ABTB3: variants seen among roughly 807,000 people sequenced by gnomAD.
The protein encoded by ABTB3 is ankyrin repeat- and BTB/POZ domain-containing protein 3.
the ABTB3 span, among the ~76,000 whole-genome samples, chr12:107,346,452 T>C: frequency 3.9e-5 from 6 of 152,256 alleles, no homozygotes; most frequent in East Asian, 9.6e-4. Flanking sequence ...GCCCTTCAAA[T>C]TGATTCTGCT....
the ABTB3 span, among the ~76,000 whole-genome samples, chr12:107,562,078 C>T: frequency 1.3e-5 from 2 of 152,164 alleles, no homozygotes; most frequent in African/African-American, 4.8e-5. Context: ...GTACTGGGAC[C>T]TCTGCAGTAT....
At chr12:107,563,104 A>G in the ABTB3 span, among the ~76,000 whole-genome samples, 3 of 152,184 alleles carry the variant, frequency 2.0e-5, no homozygotes, top group Non-Finnish European at 2.9e-5. Context: ...GTTTTTATCC[A>G]AGCCTGGTTC....
the ABTB3 span, among the ~76,000 whole-genome samples, chr12:107,555,760 C>T: frequency 2.6e-5 from 4 of 152,196 alleles, no homozygotes; most frequent in Non-Finnish European, 4.4e-5. Context: ...CTGTATTGTA[C>T]AGCATAGGAC....
chr12:107,578,930 C>G, the ABTB3 span, among the ~76,000 whole-genome samples: 74 of 152,308 alleles, frequency 4.9e-4, no homozygotes, highest in South Asian at 0.014. Flanking sequence ...TATTAAGTGC[C>G]TACAGTGTGC....
the ABTB3 span, among the ~76,000 whole-genome samples, chr12:107,454,855 A>G: frequency 1.3e-5 from 2 of 152,234 alleles, no homozygotes; most frequent in Non-Finnish European, 2.9e-5. Context: ...TAATAATAAC[A>G]AATGGTGCTA....
chr12:107,441,304 T>A, the ABTB3 span, among the ~76,000 whole-genome samples: 1 of 152,156 alleles, frequency 6.6e-6, no homozygotes, highest in Non-Finnish European at 1.5e-5. Flanking sequence ...GATCATGTGC[T>A]TTGCAGGGAC....
At chr12:107,463,437 G>A in the ABTB3 span, among the ~76,000 whole-genome samples, 1 of 152,096 alleles carries the variant, frequency 6.6e-6, no homozygotes, top group Admixed American at 6.5e-5. Context: ...ACCTTGATTA[G>A]CACTTTATAC....
the ABTB3 span, among the ~76,000 whole-genome samples, chr12:107,647,116 G>A: frequency 6.6e-6 from 1 of 152,252 alleles, no homozygotes; most frequent in East Asian, 1.9e-4. Flanking sequence ...GATCACTTGA[G>A]CTCAAGAGTT....
At chr12:107,482,968 CTTTCTTTCTTTCT>C in the ABTB3 span, among the ~76,000 whole-genome samples, 34 of 70,008 alleles carry the variant, frequency 4.9e-4, no homozygotes, top group African/African-American at 2.1e-3. Flanking sequence ...TTCTTTCTTT[CTTTCTTTCTTTCT>C]TTCTTTCCTT....
chr12:107,529,249 T>C, the ABTB3 span, among the ~76,000 whole-genome samples: 32 of 151,084 alleles, frequency 2.1e-4, no homozygotes, highest in African/African-American at 7.3e-4. Context: ...ATGGAGATGA[T>C]GATGGTGGTC....
the ABTB3 span, among the ~76,000 whole-genome samples, chr12:107,619,401 G>A: frequency 1.3e-5 from 2 of 152,168 alleles, no homozygotes; most frequent in Non-Finnish European, 2.9e-5. Context: ...TTGCACAGAG[G>A]AGCAGCAGGA....
the ABTB3 span, among the ~76,000 whole-genome samples, chr12:107,597,886 T>C: frequency 6.6e-6 from 1 of 152,226 alleles, no homozygotes; most frequent in South Asian, 2.1e-4. Context: ...CTTCTGTTTT[T>C]TAAATAAAGT....
At chr12:107,399,778 T>C in the ABTB3 span, among the ~76,000 whole-genome samples, 1 of 152,144 alleles carries the variant, frequency 6.6e-6, no homozygotes, top group Non-Finnish European at 1.5e-5. Context: ...TATCAACCTG[T>C]CATCTAGGTT....
chr12:107,352,318 G>T, the ABTB3 span, among the ~76,000 whole-genome samples: 1 of 152,184 alleles, frequency 6.6e-6, no homozygotes, highest in Non-Finnish European at 1.5e-5. Flanking sequence ...GGGAGGGCAC[G>T]CATGGAGCAC....
chr12:107,644,009 C>T, the ABTB3 span, among the ~76,000 whole-genome samples: 1 of 152,026 alleles, frequency 6.6e-6, no homozygotes, highest in Non-Finnish European at 1.5e-5. Flanking sequence ...ACCAATTCAC[C>T]CACCTTGGTT....
At chr12:107,361,478 C>T in the ABTB3 span, among the ~76,000 whole-genome samples, 1 of 152,166 alleles carries the variant, frequency 6.6e-6, no homozygotes, top group Non-Finnish European at 1.5e-5. Context: ...GTTCAAATTA[C>T]AGTCTGGAGT....
chr12:107,326,323 T>C, the ABTB3 span, among the ~76,000 whole-genome samples: 1 of 152,186 alleles, frequency 6.6e-6, no homozygotes, highest in Non-Finnish European at 1.5e-5. Flanking sequence ...GGTAGGAGGG[T>C]CATTTAGGTA....
the ABTB3 span, among the ~76,000 whole-genome samples, chr12:107,528,321 T>A: frequency 1.3e-5 from 2 of 152,242 alleles, no homozygotes; most frequent in Non-Finnish European, 2.9e-5. Context: ...TAGGACAATA[T>A]GAGTTTTCCA....
chr12:107,359,770 C>A, the ABTB3 span, among the ~76,000 whole-genome samples: 1 of 152,116 alleles, frequency 6.6e-6, no homozygotes, highest in Non-Finnish European at 1.5e-5. Context: ...AGCCAAGCCT[C>A]AGGGACTTTA....
Sources: allele counts gnomAD v4.1 joint callset (sites outside exome capture counted in the v4.1 genomes callset), GRCh38; gene constraint gnomAD v4.1.1; transcripts MANE v1.5; gene names NCBI Gene and HGNC (gene_info 2026-07-23, HGNC 2026-07-21).